SLC9A1: variants seen among roughly 807,000 people sequenced by gnomAD.
SLC9A1 encodes solute carrier family 9 member A1.
A neutral mutation model predicts 67.9 loss-of-function variants in SLC9A1; 22 were observed. The observed-to-expected ratio is 0.32, with a 90% confidence interval of 0.23 to 0.46. SLC9A1 has a LOEUF of 0.46. Among genes scored for constraint, SLC9A1 ranks in the 20% least tolerant of loss-of-function variants. The pLI is 1.00. For synonymous variants in SLC9A1, 421 were observed against 471.8 expected, an observed-to-expected ratio of 0.89 and a Z score of 1.40; for missense variants, 686 against 1,094.8, an observed-to-expected ratio of 0.63 and a Z score of 5.27.
At chr1:27,130,685 G>T (rs988633714) in intron 1 of SLC9A1, among the ~76,000 whole-genome samples, 2 of 152,234 alleles carry the variant, frequency 1.3e-5, no homozygotes, top group South Asian at 2.1e-4. Context: ...ATGCCATGAG[G>T]TAGACACTAC....
chr1:27,138,994 G>A (rs2083437403), intron 1 of SLC9A1, among the ~76,000 whole-genome samples: 2 of 152,094 alleles, frequency 1.3e-5, no homozygotes, highest in Non-Finnish European at 2.9e-5. Flanking sequence ...ATGGAGTGAA[G>A]AGGCAAGCCT....
chr1:27,102,709 A>T lies in SLC9A1; in HGVS notation c.1610T>A (p.Ile537Asn). 1 of 1,613,710 alleles carries T rather than the reference A, an allele frequency of 6.2e-7. No homozygotes were observed. The highest frequency in any genetic ancestry group is 8.5e-7 in the Non-Finnish European group (1 of 1,179,926). Residue 537 changes from isoleucine (I) to asparagine (N), a missense_variant, in exon 7 of 12, where the codon ATC (isoleucine) becomes AAC (asparagine). By Grantham distance (149) the Ile-to-Asn change is moderately radical. Around this residue, in one of 7 missense-constraint regions of SLC9A1, gnomAD observed 168 missense variants for 375.4 expected, o/e 0.45. Transcript: ENST00000263980. ...LDHLLTGIEDICGHYGHHHWK... is the reference protein window; with the variant it reads ...LDHLLTGIEDNCGHYGHHHWK... ...GTGGTGGTGACCGTAGTGGCCACAG[A>T]TGTCTTCGATGCCTGTCAGAAGGTG...
chr1:27,153,966 G>A lies in SLC9A1; in HGVS notation c.352+17C>T. ...CAGTCTGGTGGCGGCCGCAGCATCGGAGCAAACGGGACTTACCTATCTTCA... is the reference window on the plus strand; with the variant it reads ...CAGTCTGGTGGCGGCCGCAGCATCGAAGCAAACGGGACTTACCTATCTTCA... On this transcript the variant is annotated intron_variant, in intron 1 of 11. Coordinates refer to ENST00000263980, the MANE Select transcript of SLC9A1 (RefSeq NM_003047.5). 8 of 1,509,686 alleles carry A rather than the reference G, an allele frequency of 5.3e-6. No homozygotes were observed. Among genetic ancestry groups the A allele is most frequent in the African/African-American group, 1.4e-5 (1 of 72,640 alleles). The allele number at this position is 1,509,686 out of a possible 1,614,324, so 93.5% of individuals were successfully genotyped here.
At chr1:27,144,616 G>C (rs750904994) in intron 1 of SLC9A1, among the ~76,000 whole-genome samples, 9 of 152,208 alleles carry the variant, frequency 5.9e-5, no homozygotes, top group African/African-American at 7.2e-5. Flanking sequence ...CCAGGGCTTT[G>C]CAGGGATCCT....
chr1:27,101,831 G>T lies in SLC9A1; in HGVS notation c.1936-5C>A. On this transcript the variant is annotated splice_polypyrimidine_tract_variant and splice_region_variant and intron_variant, in intron 9 of 11. Transcript: ENST00000263980. The surrounding 1 kb of genome is among the most constrained non-coding windows in gnomAD (Gnocchi z 4.9). ...GTGTCTGTTGTAGGACCGCAGCTGT[G>T]GGAGGGACAGCGTCAGGGCAGTGCG... 1 of 1,604,564 alleles carries T rather than the reference G, an allele frequency of 6.2e-7. No homozygotes were observed. The highest frequency in any genetic ancestry group is 8.5e-7 in the Non-Finnish European group (1 of 1,173,444).
At position 27,125,035 on chromosome 1, in the gene SLC9A1, C is replaced by T. The variant is rs938773351; in HGVS notation, c.353-10749G>A. Reference sequence around the variant, plus strand: ...CTCAGGCCCCAAATTTTGGAGTTGTCCTAACTCCTTTCTTCCTCTCACTCC... The same window carrying T: ...CTCAGGCCCCAAATTTTGGAGTTGTTCTAACTCCTTTCTTCCTCTCACTCC... On this transcript the variant is annotated intron_variant, in intron 1 of 11. Coordinates refer to ENST00000263980, the MANE Select transcript of SLC9A1 (RefSeq NM_003047.5). 2.6e-5 allele frequency among the ~76,000 whole-genome samples: 4 copies of T among 151,986 alleles called. No homozygotes were observed. The South Asian group carries it at 6.2e-4, about 24-fold the overall frequency.
rs376039865 is a variant in SLC9A1, at chr1:27,146,354, T to C, written c.352+7629A>G. Among the ~76,000 whole-genome samples the C allele has an allele frequency of 9.9e-5, 15 of 152,282 alleles. No individual in the cohort carries two copies. In the South Asian group the frequency reaches 2.5e-3, roughly 25 times the overall value. On this transcript the variant is annotated intron_variant, in intron 1 of 11. Coordinates refer to ENST00000263980, the MANE Select transcript of SLC9A1 (RefSeq NM_003047.5). ...CTGAGAAAGGTTATTTGCTTCACAG[T>C]GGGACTTGGAGTGGGTCAGCTTTTT...
At position 27,126,221 on chromosome 1, in the gene SLC9A1, ACCGTTC is replaced by A. The variant is rs149050421; in HGVS notation, c.353-11941_353-11936del. Among the ~76,000 whole-genome samples the A allele has an allele frequency of 4.3e-3, 649 of 151,934 alleles. 4 individuals carry two copies. Among genetic ancestry groups the A allele is most frequent in the African/African-American group, 0.015 (614 of 41,442 alleles). On this transcript the variant is annotated intron_variant, in intron 1 of 11. Coordinates refer to ENST00000263980, the MANE Select transcript of SLC9A1 (RefSeq NM_003047.5). ...TCCTGACGTCTAGATGTGCTTTCTGACCGTTCCCCACCCAGAACATAAGCCTCGTGA... is the reference window on the plus strand; with the variant it reads ...TCCTGACGTCTAGATGTGCTTTCTGACCCACCCAGAACATAAGCCTCGTGA...
Position 27,107,879 on chromosome 1 carries a change from G to C in SLC9A1, c.1065-14C>G. On this transcript the variant is annotated splice_polypyrimidine_tract_variant and intron_variant, in intron 3 of 11. Coordinates refer to ENST00000263980, the MANE Select transcript of SLC9A1 (RefSeq NM_003047.5). ...GAGGCTATGAGCCTGGAGCAGGAAA[G>C]AGCGGGGTCAGGGCTCCGTGTCGAG... 1.3e-6 allele frequency: 2 copies of C among 1,575,404 alleles called. No homozygotes were observed. The highest frequency in any genetic ancestry group is 1.7e-6 in the Non-Finnish European group (2 of 1,157,474).
intron 1 of SLC9A1, among the ~76,000 whole-genome samples, chr1:27,123,829 A>G (rs1296127160): frequency 1.4e-5 from 2 of 148,068 alleles, no homozygotes; most frequent in African/African-American, 5.0e-5. Context: ...GGGCTTTAAA[A>G]AAAAATTTTT....
At chr1:27,131,956 A>AC (rs2083389062) in intron 1 of SLC9A1, among the ~76,000 whole-genome samples, 1 of 124,966 alleles carries the variant, frequency 8.0e-6, no homozygotes, top group Non-Finnish European at 1.7e-5. Context: ...AAATATATAT[A>AC]TATATATATA....
intron 1 of SLC9A1, among the ~76,000 whole-genome samples, chr1:27,126,174 C>G (rs1025503584): frequency 4.6e-5 from 7 of 152,152 alleles, no homozygotes; most frequent in African/African-American, 1.7e-4. Context: ...CCAACCCTCT[C>G]TATCCGCTTA....
intron 3 of SLC9A1, among the ~76,000 whole-genome samples, chr1:27,108,361 G>A (rs2083204855): frequency 1.1e-4 from 6 of 55,924 alleles, no homozygotes; most frequent in Non-Finnish European, 1.5e-4. Context: ...GCGCATGCCC[G>A]GCCCTATTCC....
At chr1:27,132,651 G>C (rs569074077) in intron 1 of SLC9A1, among the ~76,000 whole-genome samples, 1 of 152,292 alleles carries the variant, frequency 6.6e-6, no homozygotes, top group South Asian at 2.1e-4. Context: ...ATGAGGTGGG[G>C]GTGCCTCCTA....
chr1:27,125,824 C>T (rs1232049664), intron 1 of SLC9A1, among the ~76,000 whole-genome samples: 1 of 152,042 alleles, frequency 6.6e-6, no homozygotes, highest in African/African-American at 2.4e-5. Flanking sequence ...ATCTCTTGAC[C>T]TCGTGATCCG....
At chr1:27,132,095 G>T (rs1481388215) in intron 1 of SLC9A1, among the ~76,000 whole-genome samples, 1 of 151,542 alleles carries the variant, frequency 6.6e-6, no homozygotes. Context: ...CTAGGTTACA[G>T]GGCCAAGCAG....
chr1:27,138,914 G>A (rs888160053), intron 1 of SLC9A1, among the ~76,000 whole-genome samples: 1 of 152,142 alleles, frequency 6.6e-6, no homozygotes, highest in Admixed American at 6.5e-5. Context: ...GGGGAGAGCT[G>A]CCTGCAGGCA....
At chr1:27,117,766 C>G (rs998783555) in intron 1 of SLC9A1, among the ~76,000 whole-genome samples, 3 of 152,206 alleles carry the variant, frequency 2.0e-5, no homozygotes, top group Non-Finnish European at 4.4e-5. Context: ...TTATGCCACT[C>G]CCCTAGTGTC....
chr1:27,130,368 C>T (rs2083376711), intron 1 of SLC9A1, among the ~76,000 whole-genome samples: 1 of 152,208 alleles, frequency 6.6e-6, no homozygotes, highest in South Asian at 2.1e-4. Flanking sequence ...TCCCAAAGTG[C>T]TGGGATTACA....
Sources: allele counts gnomAD v4.1 joint callset (sites outside exome capture counted in the v4.1 genomes callset), GRCh38; gene constraint gnomAD v4.1.1; regional missense constraint gnomAD v4.1.1; non-coding constraint Gnocchi (gnomAD v3.1); transcripts MANE v1.5; gene names NCBI Gene and HGNC (gene_info 2026-07-23, HGNC 2026-07-21).